HOXC5: variants seen among roughly 807,000 people sequenced by gnomAD.
HOXC5 encodes the protein homeobox protein Hox-C5.
HOXC5 carries 19 observed loss-of-function variants against 20.1 expected under a neutral mutation model. The ratio of observed to expected loss-of-function variants is 0.94; its 90% CI spans 0.66 to 1.38. The LOEUF is 1.38. Among genes scored for constraint, HOXC5 ranks in the 40% most tolerant of loss-of-function variants. HOXC5 has a pLI of 0.00. For synonymous variants in HOXC5, 124 were observed against 117.0 expected (o/e 1.06, Z -0.39); for missense variants, 330 against 300.1 (o/e 1.10, Z -0.74).
chr12:54,025,551 T>G, the HOXC5 span, among the ~76,000 whole-genome samples: 1 of 148,710 alleles, frequency 6.7e-6, no homozygotes. Context: ...GTGTTGAAAA[T>G]TAATTTTGCC....
intron 1 of HOXC5, chr12:54,033,972 TC>T: frequency 2.5e-6 from 1 of 403,314 alleles, no homozygotes; most frequent in Admixed American, 3.0e-5. Context: ...GGGAGGGGGG[TC>T]CCCGGTGCTC....
chr12:54,030,717 A>AAAAT (rs1185935317), upstream of HOXC5: 17 of 152,724 alleles, frequency 1.1e-4, no homozygotes, highest in Middle Eastern at 3.4e-3. Flanking sequence ...CCAGTAGGAG[A>AAAAT]AAATAAATAA....
chr12:54,028,942 A>G (rs766272049), upstream of HOXC5: 1 of 1,584,872 alleles, frequency 6.3e-7, no homozygotes, highest in South Asian at 1.1e-5. Flanking sequence ...CAGCTCCGAG[A>G]TATAAATTAA....
At chr12:54,026,936 TCC>T in the HOXC5 span, among the ~76,000 whole-genome samples, 1 of 138,474 alleles carries the variant, frequency 7.2e-6, no homozygotes, top group Non-Finnish European at 1.6e-5. Context: ...TAGCCAGCTT[TCC>T]CCCCCCCCAA....
chr12:54,024,716 C>A, the HOXC5 span, among the ~76,000 whole-genome samples: 1 of 151,958 alleles, frequency 6.6e-6, no homozygotes, highest in South Asian at 2.1e-4. Flanking sequence ...CTTTCCCTGG[C>A]CTAAAGGGGA....
upstream of HOXC5, chr12:54,028,665 G>T (rs201730816): frequency 9.3e-6 from 15 of 1,613,894 alleles, no homozygotes; most frequent in African/African-American, 1.3e-5. Flanking sequence ...CCCAGAACCG[G>T]ATCTACTCGA....
Position 54,033,393 on chromosome 12 carries a change from G to C in HOXC5, c.271G>C (p.Ala91Pro), listed in dbSNP as rs753974633. 3.1e-6 allele frequency: 5 copies of C among 1,612,568 alleles called. No individual in the cohort carries two copies. The highest frequency in any genetic ancestry group is 4.2e-6 in the Non-Finnish European group (5 of 1,179,526). ...GGGACACGCTCCGGGCAGAGACGAA[G>C]CGGCTCCTCTGAACCCCGGGATGTA... ...APGHAPGRDEAAPLNPGMYSQ... is the reference protein window; with the variant it reads ...APGHAPGRDEPAPLNPGMYSQ... The change falls in exon 1 of 2, where the codon GCG becomes CCG. Residue 91 changes from alanine to proline, a missense_variant. By Grantham distance (27) the Ala-to-Pro change is conservative. Coordinates refer to ENST00000312492, the MANE Select transcript of HOXC5 (RefSeq NM_018953.4).
the HOXC5 span, among the ~76,000 whole-genome samples, chr12:54,023,210 T>G: frequency 6.6e-6 from 1 of 152,100 alleles, no homozygotes; most frequent in African/African-American, 2.4e-5. Flanking sequence ...CCAGAAATGA[T>G]TTTTTCCAGA....
chr12:54,031,997 C>T (rs2136444118), upstream of HOXC5, among the ~76,000 whole-genome samples: 1 of 152,336 alleles, frequency 6.6e-6, no homozygotes, highest in South Asian at 2.1e-4. Flanking sequence ...TTTTCCTCTG[C>T]CATGCTCACG....
chr12:54,034,637 C>T lies in HOXC5; in HGVS notation c.*145C>T. On this transcript the variant is annotated 3_prime_UTR_variant, in exon 2 of 2. Coordinates refer to ENST00000312492, the MANE Select transcript of HOXC5 (RefSeq NM_018953.4). Reference sequence around the variant, plus strand: ...GGGCCCCACAGACAAAAGCGCTTTTCCTTGGCATTCCGCATCCCTACCGAC... The same window carrying T: ...GGGCCCCACAGACAAAAGCGCTTTTTCTTGGCATTCCGCATCCCTACCGAC... The T allele has an allele frequency of 1.5e-6, 1 of 660,918 alleles. No homozygotes were observed. 40.9% of individuals were successfully genotyped at this position (660,918 alleles called of 1,614,324 possible). A position where few individuals can be genotyped will look rare whatever the true frequency, so the allele number is the denominator to read the frequency against.
chr12:54,034,187 G>T (rs957035459), intron 1 of HOXC5, 91 bp from the exon 2 acceptor site: 18 of 1,260,124 alleles, frequency 1.4e-5, no homozygotes, highest in Admixed American at 1.0e-4. Flanking sequence ...TCTCCCTCCG[G>T]CCGCGGGTGG....
At chr12:54,026,936 TC>T in the HOXC5 span, among the ~76,000 whole-genome samples, 945 of 138,214 alleles carry the variant, frequency 6.8e-3, 4 homozygotes, top group East Asian at 0.011. Context: ...TAGCCAGCTT[TC>T]CCCCCCCCCA....
the HOXC5 span, among the ~76,000 whole-genome samples, chr12:54,026,931 A>C: frequency 3.3e-4 from 48 of 147,684 alleles, no homozygotes; most frequent in African/African-American, 1.2e-3. Context: ...TGTTATAGCC[A>C]GCTTTCCCCC....
chr12:54,022,954 G>C, the HOXC5 span, among the ~76,000 whole-genome samples: 1 of 152,192 alleles, frequency 6.6e-6, no homozygotes, highest in Non-Finnish European at 1.5e-5. Context: ...TTCCTCATGT[G>C]ACATCCTCTT....
At chr12:54,026,942 C>T in the HOXC5 span, among the ~76,000 whole-genome samples, 6 of 140,020 alleles carry the variant, frequency 4.3e-5, no homozygotes, top group Non-Finnish European at 7.6e-5. Flanking sequence ...GCTTTCCCCC[C>T]CCCCAACCCA....
chr12:54,029,800 G>A (rs1176606331), upstream of HOXC5: 4 of 1,614,064 alleles, frequency 2.5e-6, no homozygotes, highest in Non-Finnish European at 3.4e-6. Flanking sequence ...GCCTGACCGA[G>A]CGACAGATCA....
chr12:54,033,257 A>C lies in HOXC5; in HGVS notation c.135A>C (p.Leu45Phe). The C allele has an allele frequency of 1.2e-6, 2 of 1,614,168 alleles. No homozygotes were observed. Among genetic ancestry groups the C allele is most frequent in the South Asian group, 2.2e-5 (2 of 91,082 alleles). ...GGTACTGCTACGGCGGATTGGACTT[A>C]AGCATCACTTTCCCACCGCCTGCGC... ...ASRYCYGGLD[L>F]SITFPPPAPS... Residue 45 changes from leucine to phenylalanine, a missense_variant, in exon 1 of 2, where the codon TTA becomes TTC. Coordinates refer to ENST00000312492, the MANE Select transcript of HOXC5 (RefSeq NM_018953.4).
chr12:54,033,280 C>T lies in HOXC5; in HGVS notation c.158C>T (p.Ala53Val), dbSNP rs1417948861. ...TTAAGCATCACTTTCCCACCGCCTG[C>T]GCCTTCCAACTCTCTCCACGGGGTA... The part of the protein sequence containing the change: ...LDLSITFPPP[A>V]PSNSLHGVDM... The change falls in exon 1 of 2, where the codon GCG becomes GTG. Residue 53 changes from alanine to valine, a missense_variant. Coordinates refer to ENST00000312492, the MANE Select transcript of HOXC5 (RefSeq NM_018953.4). 6.2e-7 allele frequency: 1 copy of T among 1,614,228 alleles called. No individual in the cohort carries two copies. Among genetic ancestry groups the T allele is most frequent in the Non-Finnish European group, 8.5e-7 (1 of 1,180,052 alleles).
rs2136451463 is a variant in HOXC5 at position 54,035,246 on chromosome 12, C to T, written c.*754C>T. On this transcript the variant is annotated 3_prime_UTR_variant, in exon 2 of 2. Transcript: ENST00000312492. ...GAGGCCCTTTGCTGTCCCATAGTCC[C>T]TGCCACGAATTTCTGTGCCCTCCTG... The T allele has an allele frequency of 6.5e-6, 1 of 152,948 alleles. No homozygotes were observed. The highest frequency in any genetic ancestry group is 1.5e-5 in the Non-Finnish European group (1 of 68,162). The allele number at this position is 152,948 out of a possible 1,614,324, so 9.5% of individuals were successfully genotyped here. A position where few individuals can be genotyped will look rare whatever the true frequency, so the allele number is the denominator to read the frequency against.
Sources: gnomAD v4.1 joint callset for allele counts (sites outside exome capture counted in the v4.1 genomes callset) on GRCh38, gnomAD v4.1.1 for gene constraint, MANE v1.5 for transcripts, NCBI Gene and HGNC (gene_info 2026-07-23, HGNC 2026-07-21) for gene names.